Variants in FTCDNL1 observed in about 807,000 individuals in gnomAD.
The protein encoded by FTCDNL1 is formiminotransferase N-terminal subdomain-containing protein.
In FTCDNL1, 11 loss-of-function variants were observed where a neutral mutation model predicts 5.9. That is an observed-to-expected ratio of 1.87 (90% CI 1.18 to 3.10). FTCDNL1 has a LOEUF of 3.10. Ranked by LOEUF, FTCDNL1 falls within the 30% of genes most tolerant of loss-of-function variation. The pLI is 0.00. For synonymous variants in FTCDNL1, 58 were observed against 24.8 expected (o/e 2.34, Z -3.99); for missense variants, 115 against 65.5 (o/e 1.76, Z -2.61).
At chr2:199,686,432 A>G in the FTCDNL1 span, among the ~76,000 whole-genome samples, 4 of 152,204 alleles carry the variant, frequency 2.6e-5, no homozygotes, top group African/African-American at 9.6e-5. Flanking sequence ...AAATTCCATT[A>G]CTTTAGCCTG....
the FTCDNL1 span, among the ~76,000 whole-genome samples, chr2:199,750,035 T>A: frequency 1.3e-5 from 2 of 150,632 alleles, no homozygotes; most frequent in Non-Finnish European, 1.5e-5. Flanking sequence ...CCCCCAAAAA[T>A]TAAAAATTTA....
the FTCDNL1 span, among the ~76,000 whole-genome samples, chr2:199,669,188 C>A: frequency 2.6e-5 from 4 of 151,888 alleles, no homozygotes; most frequent in African/African-American, 4.8e-5. Context: ...ATGAACAGAG[C>A]ATTGTTAACT....
the FTCDNL1 span, among the ~76,000 whole-genome samples, chr2:199,685,182 T>C: frequency 6.6e-6 from 1 of 152,164 alleles, no homozygotes; most frequent in Non-Finnish European, 1.5e-5. Context: ...GTGATATAAT[T>C]GGCTTCAGGA....
At chr2:199,793,169 G>GTTAGAT in intron 3 of FTCDNL1, among the ~76,000 whole-genome samples, 1 of 152,116 alleles carries the variant, frequency 6.6e-6, no homozygotes, top group Non-Finnish European at 1.5e-5. Flanking sequence ...CTAACTGCCT[G>GTTAGAT]CAAGTATCTT....
intron 4 of FTCDNL1, among the ~76,000 whole-genome samples, chr2:199,814,110 T>G (rs1701209863): frequency 6.6e-6 from 1 of 151,968 alleles, no homozygotes. Flanking sequence ...TTCAAAAACA[T>G]AAACAGTTAT....
intron 3 of FTCDNL1, among the ~76,000 whole-genome samples, chr2:199,797,295 G>A (rs895604818): frequency 6.6e-6 from 1 of 152,100 alleles, no homozygotes; most frequent in African/African-American, 2.4e-5. Flanking sequence ...GAAATTCCAC[G>A]AGATAAACAT....
At chr2:199,704,320 A>G in the FTCDNL1 span, among the ~76,000 whole-genome samples, 1 of 152,180 alleles carries the variant, frequency 6.6e-6, no homozygotes, top group Non-Finnish European at 1.5e-5. Context: ...TTAAAAAGAC[A>G]AAAACAAAAA....
At chr2:199,779,999 G>T (rs75503514) in intron 3 of FTCDNL1, among the ~76,000 whole-genome samples, 1 of 152,144 alleles carries the variant, frequency 6.6e-6, no homozygotes, top group Non-Finnish European at 1.5e-5. Flanking sequence ...ATCACGTGCC[G>T]ACAGCTAGCC....
At chr2:199,692,087 T>C in the FTCDNL1 span, among the ~76,000 whole-genome samples, 2 of 152,148 alleles carry the variant, frequency 1.3e-5, no homozygotes, top group African/African-American at 4.8e-5. Flanking sequence ...AGACCAAGAA[T>C]GGCAAAAGAT....
At chr2:199,823,754 T>C (rs1015313268) in intron 3 of FTCDNL1, among the ~76,000 whole-genome samples, 9 of 152,190 alleles carry the variant, frequency 5.9e-5, no homozygotes, top group African/African-American at 2.2e-4. Flanking sequence ...ACAGAGTAGA[T>C]TTAGTACAAT....
downstream of FTCDNL1, among the ~76,000 whole-genome samples, chr2:199,760,378 C>A (rs1234923326): frequency 1.3e-5 from 2 of 152,136 alleles, no homozygotes; most frequent in African/African-American, 2.4e-5. Flanking sequence ...TTATTGACAA[C>A]CCTGTCATTT....
intron 3 of FTCDNL1, among the ~76,000 whole-genome samples, chr2:199,834,311 A>T (rs1386113220): frequency 2.0e-5 from 3 of 152,128 alleles, no homozygotes; most frequent in Non-Finnish European, 4.4e-5. Flanking sequence ...CAGGATTGTG[A>T]GACAATAAAT....
the FTCDNL1 span, among the ~76,000 whole-genome samples, chr2:199,755,127 G>A: frequency 6.6e-6 from 1 of 152,188 alleles, no homozygotes; most frequent in Non-Finnish European, 1.5e-5. Context: ...AGAAATGATT[G>A]CAACTCTTCC....
intron 3 of FTCDNL1, among the ~76,000 whole-genome samples, chr2:199,786,519 G>A (rs1231764350): frequency 6.6e-6 from 1 of 152,036 alleles, no homozygotes; most frequent in Non-Finnish European, 1.5e-5. Flanking sequence ...ATTTAGGAGT[G>A]ACACAATTAC....
At chr2:199,758,313 A>G (rs951374605), downstream of FTCDNL1, among the ~76,000 whole-genome samples, 2 of 152,126 alleles carry the variant, frequency 1.3e-5, no homozygotes, top group Non-Finnish European at 2.9e-5. Flanking sequence ...TGAGAAAACA[A>G]ACAAATAACT....
chr2:199,818,546 A>G (rs1447949844), intron 4 of FTCDNL1: 2 of 152,136 alleles, frequency 1.3e-5, no homozygotes, highest in Non-Finnish European at 2.9e-5. Context: ...CCACGGTCAC[A>G]CAGCCAGCAA....
chr2:199,679,068 T>C, the FTCDNL1 span, among the ~76,000 whole-genome samples: 1 of 152,138 alleles, frequency 6.6e-6, no homozygotes, highest in Admixed American at 6.5e-5. Flanking sequence ...GGACCCATCT[T>C]ACCGGCATTC....
the FTCDNL1 span, among the ~76,000 whole-genome samples, chr2:199,701,355 A>C: frequency 3.8e-5 from 5 of 133,264 alleles, no homozygotes; most frequent in South Asian, 2.5e-4. Flanking sequence ...AAAAAAAACC[A>C]CCGCATGCTG....
chr2:199,792,204 T>C lies in FTCDNL1; in HGVS notation c.212-31369A>G, dbSNP rs116612478. On this transcript the variant is annotated intron_variant, in intron 3 of 3. Transcript: ENST00000416668. ...ATTCAAATTTCACCAATATTTGAAA[T>C]ATGAAGCCCCAAAGCAACTGTGCAA... Among the ~76,000 whole-genome samples, 675 of 152,304 alleles carry C rather than the reference T, an allele frequency of 4.4e-3. 10 individuals are homozygous for C. Among genetic ancestry groups the C allele is most frequent in the African/African-American group, 0.015 (639 of 41,562 alleles).
Sources: allele counts gnomAD v4.1 joint callset (sites outside exome capture counted in the v4.1 genomes callset), GRCh38; gene constraint gnomAD v4.1.1; transcripts MANE v1.5; gene names NCBI Gene and HGNC (gene_info 2026-07-23, HGNC 2026-07-21).